Variants in DPP6 observed in about 807,000 individuals in gnomAD.
DPP6 encodes the protein A-type potassium channel modulatory protein DPP6.
A neutral mutation model predicts 122.6 loss-of-function variants in DPP6; 69 were observed. The observed-to-expected ratio is 0.56, with a 90% CI of 0.46 to 0.69. DPP6 has a LOEUF of 0.69. Among genes scored for constraint, DPP6 ranks in the 30% least tolerant of loss-of-function variants. The pLI is 0.00. For synonymous variants in DPP6, 418 were observed against 433.1 expected, an observed-to-expected ratio of 0.97 and a Z score of 0.43; for missense variants, 928 against 1,116.9, an observed-to-expected ratio of 0.83 and a Z score of 2.41.
In DPP6 at chr7:154,182,856, T is replaced by G. The variant is rs188724275; in HGVS notation, c.243+129793T>G. ...GAGGAGGCACTGCTTTCCCTTGCCC[T>G]CACAGCCTGGCCTTTGAATATTCTC... On this transcript the variant is annotated intron_variant, in intron 1 of 25. Transcript: ENST00000377770. Among the ~76,000 whole-genome samples, 202 of 152,260 alleles carry G rather than the reference T, an allele frequency of 1.3e-3. 1 individual carries two copies. Among genetic ancestry groups the G allele is most frequent in the Middle Eastern group, 6.8e-3 (2 of 294 alleles).
intron 7 of DPP6, among the ~76,000 whole-genome samples, chr7:154,721,989 A>AC (rs1336208667): frequency 2.7e-5 from 4 of 146,058 alleles, no homozygotes; most frequent in Non-Finnish European, 4.5e-5. Context: ...ACATAGTGAG[A>AC]CCCCATCTCT....
intron 16 of DPP6, among the ~76,000 whole-genome samples, chr7:154,818,592 C>T (rs568631242): frequency 6.6e-6 from 1 of 152,290 alleles, no homozygotes; most frequent in East Asian, 1.9e-4. Context: ...GCTATTGACT[C>T]CCAACAGCAA....
At chr7:154,147,797 G>C (rs1040791583) in intron 1 of DPP6, among the ~76,000 whole-genome samples, 6 of 152,096 alleles carry the variant, frequency 3.9e-5, no homozygotes, top group Non-Finnish European at 5.9e-5. Context: ...GCCTGCCTCA[G>C]CCTCCCAAAG....
At chr7:154,828,655 A>G (rs1055868506) in intron 16 of DPP6, among the ~76,000 whole-genome samples, 1 of 152,184 alleles carries the variant, frequency 6.6e-6, no homozygotes, top group Non-Finnish European at 1.5e-5. Context: ...CGGTATATTT[A>G]TTTCATGAAG....
chr7:154,412,810 A>G (rs1816721225), intron 1 of DPP6, among the ~76,000 whole-genome samples: 1 of 152,194 alleles, frequency 6.6e-6, no homozygotes, highest in African/African-American at 2.4e-5. Flanking sequence ...TGCCCAGGGC[A>G]CACACTGTGG....
At chr7:154,648,354 C>G (rs1490445761) in intron 6 of DPP6, among the ~76,000 whole-genome samples, 2 of 152,058 alleles carry the variant, frequency 1.3e-5, no homozygotes, top group Non-Finnish European at 2.9e-5. Flanking sequence ...CCCCACCTGT[C>G]CCTTGCTGTC....
At chr7:154,517,957 T>C (rs1331842554) in intron 3 of DPP6, among the ~76,000 whole-genome samples, 1 of 152,058 alleles carries the variant, frequency 6.6e-6, no homozygotes, top group Non-Finnish European at 1.5e-5. Flanking sequence ...CTTTACCGGC[T>C]CCACCGATAG....
At chr7:154,660,661 T>C (rs1837599091) in intron 6 of DPP6, among the ~76,000 whole-genome samples, 1 of 135,458 alleles carries the variant, frequency 7.4e-6, no homozygotes, top group South Asian at 2.5e-4. Context: ...CCATGGCGTA[T>C]TGGCCGTAGT....
At chr7:154,138,185 T>C (rs1338200421) in intron 1 of DPP6, among the ~76,000 whole-genome samples, 1 of 152,224 alleles carries the variant, frequency 6.6e-6, no homozygotes, top group Non-Finnish European at 1.5e-5. Flanking sequence ...CATTAAAAGC[T>C]TACATACACA....
chr7:154,147,567 T>C (rs1796168936), intron 1 of DPP6, among the ~76,000 whole-genome samples: 1 of 151,782 alleles, frequency 6.6e-6, no homozygotes, highest in African/African-American at 2.4e-5. Context: ...GCAACCTCCG[T>C]CTCCCAGGTA....
At position 154,125,078 on chromosome 7, in the gene DPP6, G is replaced by A. The variant is rs182783725; in HGVS notation, c.243+72015G>A. On this transcript the variant is annotated intron_variant, in intron 1 of 25. Coordinates refer to ENST00000377770, the MANE Select transcript of DPP6 (RefSeq NM_130797.4). ...GATGCAGTCAGGGCGCAGCCCATTGGTATGCAGCGTGGAGGTCTTTGGAGA... is the reference window on the plus strand; with the variant it reads ...GATGCAGTCAGGGCGCAGCCCATTGATATGCAGCGTGGAGGTCTTTGGAGA... Among the ~76,000 whole-genome samples the A allele has an allele frequency of 1.1e-3, 160 of 152,342 alleles. 1 individual carries two copies. The highest frequency in any genetic ancestry group is 3.7e-3 in the African/African-American group (155 of 41,574).
At chr7:154,591,569 G>A (rs1832810147) in intron 5 of DPP6, among the ~76,000 whole-genome samples, 1 of 152,166 alleles carries the variant, frequency 6.6e-6, no homozygotes, top group Non-Finnish European at 1.5e-5. Flanking sequence ...ATTAAAGTCT[G>A]GAAGGAGACA....
At chr7:154,572,518 T>A (rs920067252) in intron 5 of DPP6, among the ~76,000 whole-genome samples, 1 of 49,180 alleles carries the variant, frequency 2.0e-5, no homozygotes, top group African/African-American at 7.1e-5. Context: ...TTCTTTTTTT[T>A]TTTTTTTTTT....
chr7:154,218,978 T>C (rs541714937), intron 1 of DPP6, among the ~76,000 whole-genome samples: 2 of 150,896 alleles, frequency 1.3e-5, no homozygotes, highest in South Asian at 2.1e-4. Flanking sequence ...ATTGAAGATA[T>C]ATATACACAC....
At chr7:154,271,795 G>A (rs114021761) in intron 1 of DPP6, among the ~76,000 whole-genome samples, 377 of 152,288 alleles carry the variant, frequency 2.5e-3, no homozygotes, top group African/African-American at 8.7e-3. Context: ...TATTGGATCT[G>A]AAAGTAAAAT....
Position 154,802,073 on chromosome 7 carries a change from C to A in DPP6, c.1407+611C>A, listed in dbSNP as rs527515293. Among the ~76,000 whole-genome samples, 703 of 152,114 alleles carry A rather than the reference C, an allele frequency of 4.6e-3. 4 individuals carry two copies. The highest frequency in any genetic ancestry group is 0.031 in the South Asian group (149 of 4,798). On this transcript the variant is annotated intron_variant, in intron 13 of 25. Transcript: ENST00000377770. Reference sequence around the variant, plus strand: ...GAAGAGGTCACCTCAGGGAGCCTCACGCCTGCAGGACGGGGCTGCCATGGT... The same window carrying A: ...GAAGAGGTCACCTCAGGGAGCCTCAAGCCTGCAGGACGGGGCTGCCATGGT...
intron 1 of DPP6, among the ~76,000 whole-genome samples, chr7:154,326,695 A>ATAGT (rs1808474919): frequency 6.6e-6 from 1 of 152,262 alleles, no homozygotes; most frequent in Non-Finnish European, 1.5e-5. Flanking sequence ...TACAATCTGT[A>ATAGT]TAGTTGTTAC....
At chr7:154,482,282 C>T (rs1823374961) in intron 3 of DPP6, among the ~76,000 whole-genome samples, 2 of 151,536 alleles carry the variant, frequency 1.3e-5, no homozygotes, top group African/African-American at 4.9e-5. Context: ...CACCTACAGG[C>T]TCTGTGGCAA....
At chr7:154,292,792 G>A (rs754501206) in intron 1 of DPP6, among the ~76,000 whole-genome samples, 5 of 152,160 alleles carry the variant, frequency 3.3e-5, no homozygotes, top group African/African-American at 9.7e-5. Flanking sequence ...AGGAAATCGC[G>A]TTTCACAAAA....
Sources: allele counts gnomAD v4.1 joint callset (sites outside exome capture counted in the v4.1 genomes callset), GRCh38; gene constraint gnomAD v4.1.1; transcripts MANE v1.5; gene names NCBI Gene and HGNC (gene_info 2026-07-23, HGNC 2026-07-21).